The following AFG2A variants were observed in gnomAD, a reference collection of about 807,000 sequenced individuals.
AFG2A encodes ATPase family gene 2 protein homolog A.
At chr4:123,110,626 C>T in the AFG2A span, among the ~76,000 whole-genome samples, 1 of 151,730 alleles carries the variant, frequency 6.6e-6, no homozygotes, top group Non-Finnish European at 1.5e-5. Flanking sequence ...TCAGAAAAAC[C>T]CAGAAATATT....
At chr4:123,040,264 C>T in the AFG2A span, among the ~76,000 whole-genome samples, 1 of 151,876 alleles carries the variant, frequency 6.6e-6, no homozygotes, top group African/African-American at 2.4e-5. Flanking sequence ...AGATTGTTCA[C>T]TCCTTAGCAA....
At chr4:123,007,058 G>A in the AFG2A span, among the ~76,000 whole-genome samples, 1 of 151,690 alleles carries the variant, frequency 6.6e-6, no homozygotes, top group African/African-American at 2.4e-5. Flanking sequence ...TACCTTGTTG[G>A]GAGGTGGGTT....
At chr4:122,944,434 C>T in the AFG2A span, among the ~76,000 whole-genome samples, 4 of 152,188 alleles carry the variant, frequency 2.6e-5, no homozygotes, top group East Asian at 5.8e-4. Flanking sequence ...GCATCGGCTC[C>T]TGAGGCTTTT....
At chr4:123,208,806 A>G in the AFG2A span, among the ~76,000 whole-genome samples, 17 of 152,352 alleles carry the variant, frequency 1.1e-4, no homozygotes, top group African/African-American at 4.1e-4. Flanking sequence ...ATTCTCCTCT[A>G]TAATATAGTA....
the AFG2A span, among the ~76,000 whole-genome samples, chr4:122,956,742 G>T: frequency 6.6e-6 from 1 of 152,278 alleles, no homozygotes; most frequent in East Asian, 1.9e-4. Context: ...TTTTTAAAAA[G>T]ATTAGTGTTC....
At chr4:123,192,468 G>T in the AFG2A span, among the ~76,000 whole-genome samples, 1 of 152,164 alleles carries the variant, frequency 6.6e-6, no homozygotes, top group Admixed American at 6.5e-5. Flanking sequence ...AAAGATGGAG[G>T]CTACTAGCTA....
the AFG2A span, among the ~76,000 whole-genome samples, chr4:123,195,166 T>G: frequency 3.0e-3 from 464 of 152,300 alleles, 2 homozygotes; most frequent in African/African-American, 0.01. Flanking sequence ...AAAATAAATG[T>G]ATCAAACCAC....
the AFG2A span, among the ~76,000 whole-genome samples, chr4:123,109,177 TTGTTA>T: frequency 6.6e-6 from 1 of 152,180 alleles, no homozygotes; most frequent in Admixed American, 6.5e-5. Context: ...TTATCTTTGC[TTGTTA>T]GACAATTAGA....
At chr4:123,096,481 A>G in the AFG2A span, among the ~76,000 whole-genome samples, 1 of 152,074 alleles carries the variant, frequency 6.6e-6, no homozygotes, top group Non-Finnish European at 1.5e-5. Context: ...TGTCCAGTCC[A>G]TGACATTTTA....
the AFG2A span, among the ~76,000 whole-genome samples, chr4:123,192,319 C>T: frequency 9.4e-4 from 143 of 152,004 alleles, no homozygotes; most frequent in African/African-American, 3.0e-3. Context: ...GAGCCACCAC[C>T]GCTGCTAAAA....
the AFG2A span, among the ~76,000 whole-genome samples, chr4:122,972,495 T>C: frequency 6.6e-6 from 1 of 151,884 alleles, no homozygotes; most frequent in Non-Finnish European, 1.5e-5. Flanking sequence ...GTTTAATTTC[T>C]TCTTTTTCTA....
the AFG2A span, among the ~76,000 whole-genome samples, chr4:123,095,851 A>G: frequency 5.6e-4 from 85 of 152,262 alleles, no homozygotes; most frequent in Non-Finnish European, 1.0e-3. Flanking sequence ...CCTCTATGTT[A>G]TGATGATTTT....
chr4:123,095,664 C>T, the AFG2A span, among the ~76,000 whole-genome samples: 9 of 151,084 alleles, frequency 6.0e-5, no homozygotes, highest in Admixed American at 4.6e-4. Context: ...ATAAAAGAGG[C>T]GACGAAGAGT....
chr4:123,037,323 T>C, the AFG2A span, among the ~76,000 whole-genome samples: 1 of 152,114 alleles, frequency 6.6e-6, no homozygotes, highest in Admixed American at 6.6e-5. Flanking sequence ...ACAAATATTT[T>C]CACATGTGTT....
the AFG2A span, among the ~76,000 whole-genome samples, chr4:123,296,811 C>T: frequency 6.6e-6 from 1 of 152,306 alleles, no homozygotes; most frequent in South Asian, 2.1e-4. Flanking sequence ...TGTTCACAAT[C>T]TCCTCTGTCT....
the AFG2A span, among the ~76,000 whole-genome samples, chr4:123,130,451 C>T: frequency 1.3e-5 from 2 of 152,200 alleles, no homozygotes; most frequent in South Asian, 4.1e-4. Context: ...ACCACTGACC[C>T]CTGGCAACTA....
the AFG2A span, among the ~76,000 whole-genome samples, chr4:123,235,296 C>T: frequency 0.57 from 86,817 of 151,960 alleles, 27,236 homozygotes; most frequent in Non-Finnish European, 0.68. Flanking sequence ...ATACAATATA[C>T]TAATACAAGA....
chr4:123,146,554 T>C, the AFG2A span, among the ~76,000 whole-genome samples: 164 of 152,260 alleles, frequency 1.1e-3, no homozygotes, highest in Middle Eastern at 0.01. Context: ...AAAATATGCA[T>C]AGTTATGAAA....
At chr4:123,027,072 T>C in the AFG2A span, among the ~76,000 whole-genome samples, 2 of 152,192 alleles carry the variant, frequency 1.3e-5, no homozygotes, top group African/African-American at 4.8e-5. Context: ...TGAAGTATCC[T>C]TCCAGTGAGT....
Sources: allele counts gnomAD v4.1 joint callset (sites outside exome capture counted in the v4.1 genomes callset), GRCh38; gene constraint gnomAD v4.1.1; transcripts MANE v1.5; gene names NCBI Gene and HGNC (gene_info 2026-07-23, HGNC 2026-07-21).